RAB7A: variants seen among roughly 807,000 people sequenced by gnomAD.
The protein encoded by RAB7A is RAB7A, member RAS oncogene family, also known as ras-related protein Rab-7a.
RAB7A carries 2 observed loss-of-function variants against 24.5 expected under a neutral mutation model. The observed-to-expected ratio is 0.08, with a 90% CI of 0.03 to 0.26. The LOEUF (loss-of-function observed/expected upper bound fraction) is 0.26. RAB7A is among the 10% of genes least tolerant of loss of function. The pLI is 1.00. For missense variants in RAB7A, 118 were observed against 255.7 expected, an observed-to-expected ratio of 0.46 and a Z score of 3.67; for synonymous variants, 100 against 95.9, an observed-to-expected ratio of 1.04 and a Z score of -0.25.
At chr3:128,807,464 A>G (rs1576304098) in intron 4 of RAB7A, 79 bp from the exon 5 acceptor site, 3 of 1,603,980 alleles carry the variant, frequency 1.9e-6, no homozygotes, top group East Asian at 2.2e-5. Context: ...ACGAGGGGCC[A>G]TGACACTTCC....
intron 1 of RAB7A, among the ~76,000 whole-genome samples, chr3:128,739,663 A>G (rs1271680845): frequency 6.6e-6 from 1 of 152,240 alleles, no homozygotes; most frequent in African/African-American, 2.4e-5. Flanking sequence ...AAATTTAACC[A>G]TATAGTCAGC....
At chr3:128,792,263 A>G (rs180797204) in intron 1 of RAB7A, among the ~76,000 whole-genome samples, 6 of 152,244 alleles carry the variant, frequency 3.9e-5, no homozygotes, top group Admixed American at 1.3e-4. Flanking sequence ...TCTTTTTAAT[A>G]TTATTAAACA....
intron 1 of RAB7A, among the ~76,000 whole-genome samples, chr3:128,740,882 CAG>C (rs2070545601): frequency 8.8e-6 from 1 of 113,304 alleles, no homozygotes; most frequent in African/African-American, 3.2e-5. Context: ...GCCTAGGTGA[CAG>C]AGGGAGATGT....
At chr3:128,796,985 T>C (rs1933590426) in intron 2 of RAB7A, among the ~76,000 whole-genome samples, 1 of 152,210 alleles carries the variant, frequency 6.6e-6, no homozygotes, top group African/African-American at 2.4e-5. Flanking sequence ...TTTTGTTCGC[T>C]AGCATTTGCC....
chr3:128,808,026 C>T (rs1407313351), intron 5 of RAB7A, among the ~76,000 whole-genome samples: 1 of 152,072 alleles, frequency 6.6e-6, no homozygotes, highest in African/African-American at 2.4e-5. Context: ...AATCCCAGCT[C>T]TGCTGCGTAC....
chr3:128,795,232 A>G (rs1933540907), intron 1 of RAB7A, 128 bp from the exon 2 acceptor site: 4 of 798,700 alleles, frequency 5.0e-6, no homozygotes, highest in Non-Finnish European at 8.9e-6. Flanking sequence ...CCCTGGTGGA[A>G]GGAAGATACC....
chr3:128,811,180 G>A (rs986705258), intron 5 of RAB7A, among the ~76,000 whole-genome samples: 1 of 151,304 alleles, frequency 6.6e-6, no homozygotes, highest in Non-Finnish European at 1.5e-5. Flanking sequence ...AGGCTGATAC[G>A]CAGTGGTGCA....
intron 1 of RAB7A, among the ~76,000 whole-genome samples, chr3:128,760,796 C>T (rs1038268793): frequency 2.0e-5 from 3 of 152,132 alleles, no homozygotes; most frequent in Non-Finnish European, 4.4e-5. Flanking sequence ...CTTTTGTGGT[C>T]GAATCCTCTT....
rs376786013 is a variant in RAB7A, at chr3:128,742,962, C to T, written c.-9+16603C>T. 3.0e-4 allele frequency among the ~76,000 whole-genome samples: 45 copies of T among 152,330 alleles called. 1 individual carries two copies. Among genetic ancestry groups the T allele is most frequent in the Admixed American group, 1.5e-3 (23 of 15,306 alleles). The stretch of plus-strand genomic sequence containing the variant: ...CCCTTGGGCTGCCGATGGGACCAGG[C>T]GCTGCAGAGCAGGGGGCGGTGCCCG... On this transcript the variant is annotated intron_variant, in intron 1 of 5. Coordinates refer to ENST00000265062, the MANE Select transcript of RAB7A (RefSeq NM_004637.6).
intron 1 of RAB7A, among the ~76,000 whole-genome samples, chr3:128,791,313 G>C (rs1186409909): frequency 6.6e-6 from 1 of 152,094 alleles, no homozygotes; most frequent in African/African-American, 2.4e-5. Context: ...CTAATTTTTT[G>C]TATTTTTGGT....
chr3:128,746,717 G>GA (rs1023100697), intron 1 of RAB7A, among the ~76,000 whole-genome samples: 1 of 151,672 alleles, frequency 6.6e-6, no homozygotes, highest in African/African-American at 2.4e-5. Flanking sequence ...TTTTAGTAGA[G>GA]ACGGGGTTTC....
intron 1 of RAB7A, among the ~76,000 whole-genome samples, chr3:128,765,757 C>CT (rs57347555): frequency 4.5e-5 from 6 of 134,150 alleles, no homozygotes; most frequent in South Asian, 4.9e-4. Flanking sequence ...TCTACCTCTA[C>CT]TTTTTTTTTT....
chr3:128,807,434 C>A, intron 4 of RAB7A, 109 bp from the exon 5 acceptor site: 1 of 1,525,078 alleles, frequency 6.6e-7, no homozygotes, highest in Non-Finnish European at 9.0e-7. Flanking sequence ...TGTCTGTGTC[C>A]TCACCTGTAC....
At chr3:128,813,244 C>A in intron 5 of RAB7A, 83 bp from the exon 6 acceptor site, 1 of 1,311,174 alleles carries the variant, frequency 7.6e-7, no homozygotes, top group Non-Finnish European at 1.1e-6. Flanking sequence ...AAGTGAGCCC[C>A]TCCTGGGCAG....
intron 1 of RAB7A, among the ~76,000 whole-genome samples, chr3:128,775,057 C>T (rs1933055259): frequency 6.6e-6 from 1 of 152,248 alleles, no homozygotes; most frequent in African/African-American, 2.4e-5. Context: ...GTTGGGATTA[C>T]AGGCGTGAGC....
chr3:128,802,550 G>A (rs772786519), intron 3 of RAB7A, among the ~76,000 whole-genome samples: 3 of 151,888 alleles, frequency 2.0e-5, no homozygotes, highest in East Asian at 1.9e-4. Flanking sequence ...TCACTCTGTC[G>A]CCCAGGCTGG....
chr3:128,772,833 C>T (rs1442921033), intron 1 of RAB7A, among the ~76,000 whole-genome samples: 4 of 152,278 alleles, frequency 2.6e-5, no homozygotes, highest in Admixed American at 6.5e-5. Context: ...CGCGAGTGAT[C>T]TGCCAGCCTC....
intron 3 of RAB7A, among the ~76,000 whole-genome samples, chr3:128,802,478 ATATTT>A (rs1171905828): frequency 1.3e-5 from 2 of 152,100 alleles, no homozygotes. Context: ...TGTAGGGTAC[ATATTT>A]TATTTTATTT....
chr3:128,779,415 A>T (rs555206640), intron 1 of RAB7A, among the ~76,000 whole-genome samples: 2 of 152,208 alleles, frequency 1.3e-5, no homozygotes, highest in African/African-American at 4.8e-5. Context: ...CTCAAAAAAA[A>T]AAAAAAGAGA....
Sources: allele counts gnomAD v4.1 joint callset (sites outside exome capture counted in the v4.1 genomes callset), GRCh38; gene constraint gnomAD v4.1.1; transcripts MANE v1.5; gene names NCBI Gene and HGNC (gene_info 2026-07-23, HGNC 2026-07-21).